TLK1: variants seen among roughly 807,000 people sequenced by gnomAD.
The protein encoded by TLK1 is tousled like kinase 1.
In TLK1, 24 loss-of-function variants were observed where a neutral mutation model predicts 105.3. That is an observed-to-expected ratio of 0.23 (90% confidence interval 0.17 to 0.32). The LOEUF is 0.32. Ranked by LOEUF, TLK1 falls within the 10% of genes least tolerant of loss-of-function variation. The pLI, the probability that TLK1 is intolerant of heterozygous loss-of-function variation, is 1.00. For synonymous variants in TLK1, 321 were observed against 310.4 expected (o/e 1.03, Z -0.36); for missense variants, 558 against 910.5 (o/e 0.61, Z 4.98).
intron 3 of TLK1, among the ~76,000 whole-genome samples, chr2:171,082,377 G>GA (rs1243095637): frequency 4.6e-5 from 7 of 151,502 alleles, no homozygotes; most frequent in Non-Finnish European, 7.4e-5. Flanking sequence ...TAAAAAGAGG[G>GA]AAAAAATGTG....
intron 12 of TLK1, chr2:171,022,784 G>C (rs1352806988): frequency 9.0e-6 from 2 of 222,682 alleles, no homozygotes; most frequent in Non-Finnish European, 1.8e-5. Flanking sequence ...GTCATACTAA[G>C]GGTTTGATAA....
At chr2:171,212,890 T>A (rs918613531) in intron 1 of TLK1, among the ~76,000 whole-genome samples, 6 of 14,024 alleles carry the variant, frequency 4.3e-4, no homozygotes, top group African/African-American at 6.8e-4. Flanking sequence ...AAAAAGCGTT[T>A]TGTTTTTTTT....
chr2:171,014,752 C>T lies in TLK1; in HGVS notation c.1334+99G>A, dbSNP rs369876200. The T allele has an allele frequency of 9.4e-5, 88 of 933,238 alleles. 1 individual carries two copies. The East Asian group carries it at 1.7e-3, about 18-fold the overall frequency. 57.8% of individuals were successfully genotyped at this position (933,238 alleles called of 1,614,324 possible). A position where few individuals can be genotyped will look rare whatever the true frequency, so the allele number is the denominator to read the frequency against. ...AAGGACTTTGGATCTTTTCTAAGTA[C>T]GATGAGACAACCCAAGAAGGAAATA... On this transcript the variant is annotated intron_variant, in intron 13 of 20. Transcript: ENST00000431350.
intron 2 of TLK1, among the ~76,000 whole-genome samples, chr2:171,110,754 G>A (rs959344035): frequency 3.9e-5 from 6 of 152,108 alleles, no homozygotes; most frequent in Non-Finnish European, 5.9e-5. Context: ...AAATATTTCA[G>A]CAAAATAAAC....
chr2:171,129,940 TTCA>T (rs759971706), intron 1 of TLK1, among the ~76,000 whole-genome samples: 8 of 152,198 alleles, frequency 5.3e-5, no homozygotes, highest in Admixed American at 2.0e-4. Flanking sequence ...AACCTATTAT[TTCA>T]TCAACATCAT....
At chr2:171,150,778 C>T (rs914409938) in intron 1 of TLK1, among the ~76,000 whole-genome samples, 2 of 152,196 alleles carry the variant, frequency 1.3e-5, no homozygotes, top group Non-Finnish European at 2.9e-5. Context: ...ATTCCATCAC[C>T]CTCCACATAC....
chr2:171,068,767 T>C (rs1291357719), intron 3 of TLK1, among the ~76,000 whole-genome samples: 1 of 152,200 alleles, frequency 6.6e-6, no homozygotes, highest in Admixed American at 6.5e-5. Flanking sequence ...AAATTAAGAA[T>C]GTTATTCCTT....
At chr2:171,100,661 A>G (rs1689650248) in intron 2 of TLK1, among the ~76,000 whole-genome samples, 1 of 152,140 alleles carries the variant, frequency 6.6e-6, no homozygotes, top group Non-Finnish European at 1.5e-5. Context: ...CTATAATTTA[A>G]AAAGACAATA....
chr2:170,994,607 A>G, intron 20 of TLK1: 3 of 478,860 alleles, frequency 6.3e-6, no homozygotes, highest in Non-Finnish European at 1.2e-5. Context: ...TTAAGTGCAT[A>G]GCACAAAGTA....
chr2:171,045,180 G>T (rs1455414922), intron 11 of TLK1: 1 of 150,738 alleles, frequency 6.6e-6, no homozygotes, highest in Non-Finnish European at 1.5e-5. Flanking sequence ...CAATAGAGGA[G>T]AAAAGAATAC....
At chr2:171,147,384 T>C (rs1312595777) in intron 1 of TLK1, among the ~76,000 whole-genome samples, 2 of 152,194 alleles carry the variant, frequency 1.3e-5, no homozygotes, top group Admixed American at 6.5e-5. Context: ...TCGCCCCCTT[T>C]GCCCAGTAAG....
intron 3 of TLK1, 21 bp downstream of exon 3, chr2:171,082,760 A>G: frequency 6.4e-7 from 1 of 1,553,714 alleles, no homozygotes; most frequent in Non-Finnish European, 8.8e-7. Flanking sequence ...ATAGCACCAT[A>G]TTTAAAATGA....
At chr2:171,170,967 A>G (rs1298566730) in intron 1 of TLK1, among the ~76,000 whole-genome samples, 1 of 152,226 alleles carries the variant, frequency 6.6e-6, no homozygotes, top group Non-Finnish European at 1.5e-5. Flanking sequence ...AGAGGGGAAA[A>G]TACGTACTTT....
intron 1 of TLK1, among the ~76,000 whole-genome samples, chr2:171,215,615 C>T (rs1257102030): frequency 6.6e-6 from 1 of 152,158 alleles, no homozygotes; most frequent in Non-Finnish European, 1.5e-5. Context: ...ATAGGCTTCC[C>T]TAATAGTGAT....
chr2:171,160,903 A>T, upstream of TLK1: 1 of 264,494 alleles, frequency 3.8e-6, no homozygotes, highest in Non-Finnish European at 6.9e-6. The surrounding 1 kb of genome is among the most constrained non-coding windows in gnomAD (Gnocchi z 4.4). Context: ...CATCAGTTAC[A>T]GGCGGCGGCG....
At chr2:171,218,921 T>C (rs1693760979) in intron 1 of TLK1, among the ~76,000 whole-genome samples, 1 of 152,190 alleles carries the variant, frequency 6.6e-6, no homozygotes, top group Non-Finnish European at 1.5e-5. Context: ...AAATTTTATA[T>C]TTTGTGTATT....
At chr2:171,175,989 T>G (rs1360994804) in intron 1 of TLK1, among the ~76,000 whole-genome samples, 2 of 152,058 alleles carry the variant, frequency 1.3e-5, no homozygotes, top group African/African-American at 2.4e-5. Flanking sequence ...CAGGCTAGAG[T>G]GCAATGGCGC....
intron 12 of TLK1, among the ~76,000 whole-genome samples, chr2:171,017,833 A>T (rs1375913713): frequency 6.6e-6 from 1 of 152,224 alleles, no homozygotes; most frequent in African/African-American, 2.4e-5. Flanking sequence ...GGAAATGTCA[A>T]GGGAAGAAAC....
chr2:171,123,816 A>G (rs148323466), intron 1 of TLK1, among the ~76,000 whole-genome samples: 197 of 152,294 alleles, frequency 1.3e-3, no homozygotes, highest in Middle Eastern at 0.01. Context: ...TTTTGCTTAA[A>G]AACAAACAAA....
Sources: gnomAD v4.1 joint callset for allele counts (sites outside exome capture counted in the v4.1 genomes callset) on GRCh38, gnomAD v4.1.1 for gene constraint, Gnocchi (gnomAD v3.1) non-coding constraint, MANE v1.5 for transcripts, NCBI Gene and HGNC (gene_info 2026-07-23, HGNC 2026-07-21) for gene names.